Variants in NKAIN3 observed in about 807,000 individuals in gnomAD.
NKAIN3 encodes sodium/potassium transporting ATPase interacting 3.
In NKAIN3, 25 loss-of-function variants were observed where a neutral mutation model predicts 30.2. That is an observed-to-expected ratio of 0.83 (90% confidence interval 0.60 to 1.16). The LOEUF (loss-of-function observed/expected upper bound fraction) is 1.16. Ranked by LOEUF, NKAIN3 falls within the 50% of genes most tolerant of loss-of-function variation. The probability of loss-of-function intolerance (pLI) is 0.00; values close to 1 mark genes in which losing one functional copy is unlikely to be tolerated. For missense variants in NKAIN3, 225 were observed against 254.1 expected (o/e 0.89, Z 0.78); for synonymous variants, 91 against 89.6 (o/e 1.02, Z -0.09).
At chr8:62,549,270 CG>C (rs1222646556) in intron 1 of NKAIN3, among the ~76,000 whole-genome samples, 1 of 152,214 alleles carries the variant, frequency 6.6e-6, no homozygotes, top group African/African-American at 2.4e-5. Context: ...CCTTATTAAA[CG>C]AAGTATAGCA....
intron 3 of NKAIN3, among the ~76,000 whole-genome samples, chr8:62,727,644 G>C (rs1264556683): frequency 6.6e-6 from 1 of 152,234 alleles, no homozygotes; most frequent in South Asian, 2.1e-4. Context: ...AACAAAATGT[G>C]TATAAGATCT....
chr8:62,988,023 T>G (rs191701866), downstream of NKAIN3, among the ~76,000 whole-genome samples: 1 of 152,366 alleles, frequency 6.6e-6, no homozygotes, highest in Admixed American at 6.5e-5. Context: ...ATAGGCCCTA[T>G]GCAAGTCTGG....
intron 1 of NKAIN3, among the ~76,000 whole-genome samples, chr8:62,322,212 C>A (rs888364321): frequency 5.9e-5 from 9 of 152,162 alleles, no homozygotes; most frequent in South Asian, 4.1e-4. Context: ...CCCGATTTTG[C>A]AGGTGCCATC....
intron 4 of NKAIN3, among the ~76,000 whole-genome samples, chr8:62,849,104 G>A (rs1819781803): frequency 1.3e-5 from 2 of 151,994 alleles, no homozygotes; most frequent in African/African-American, 4.8e-5. Context: ...GTTCATCCAG[G>A]ATATGGCCTA....
At chr8:62,833,534 G>T (rs1373481583) in intron 4 of NKAIN3, among the ~76,000 whole-genome samples, 2 of 151,934 alleles carry the variant, frequency 1.3e-5, no homozygotes, top group Non-Finnish European at 2.9e-5. Context: ...GATCATCAAA[G>T]ACTATTATGA....
intron 1 of NKAIN3, among the ~76,000 whole-genome samples, chr8:62,297,748 T>G (rs1315186158): frequency 6.6e-6 from 1 of 152,138 alleles, no homozygotes; most frequent in African/African-American, 2.4e-5. Context: ...GTTCAACCAT[T>G]GTGGAAGTCA....
intron 3 of NKAIN3, among the ~76,000 whole-genome samples, chr8:62,646,114 C>T (rs1197680813): frequency 7.1e-6 from 1 of 140,476 alleles, no homozygotes. Context: ...GCCTAAAAAT[C>T]AAATGGCGTT....
At chr8:62,934,894 G>T (rs1744984869) in intron 5 of NKAIN3, among the ~76,000 whole-genome samples, 1 of 152,092 alleles carries the variant, frequency 6.6e-6, no homozygotes, top group Non-Finnish European at 1.5e-5. Context: ...AAGGTGAGCA[G>T]GATTGTCCTG....
chr8:62,496,840 G>A (rs1368342252), intron 1 of NKAIN3, among the ~76,000 whole-genome samples: 1 of 152,130 alleles, frequency 6.6e-6, no homozygotes, highest in African/African-American at 2.4e-5. Context: ...TATTGTTTGT[G>A]TGATTAGTTT....
chr8:62,432,530 G>T (rs1805042699), intron 1 of NKAIN3, among the ~76,000 whole-genome samples: 1 of 151,980 alleles, frequency 6.6e-6, no homozygotes, highest in South Asian at 2.1e-4. Context: ...GACAAAAACT[G>T]TACAATAGCA....
At chr8:62,577,855 G>A (rs852286) in intron 1 of NKAIN3, among the ~76,000 whole-genome samples, 114,668 of 151,730 alleles carry the variant, frequency 0.76, 43,601 homozygotes, top group Non-Finnish European at 0.8. Flanking sequence ...ATGAATGTGG[G>A]TCTGTTGTGG....
intron 4 of NKAIN3, among the ~76,000 whole-genome samples, chr8:62,801,143 C>A (rs959899607): frequency 6.6e-6 from 1 of 152,240 alleles, no homozygotes. Flanking sequence ...CCCACCACAG[C>A]TCAAGGAGGC....
intron 4 of NKAIN3, chr8:62,856,528 T>G (rs1820064246): frequency 1.3e-6 from 1 of 781,236 alleles, no homozygotes; most frequent in Admixed American, 1.7e-5. Context: ...ATCACCAGCT[T>G]TGGTCCTGGC....
At chr8:62,747,800 G>T (rs184416710) in intron 4 of NKAIN3, among the ~76,000 whole-genome samples, 1 of 152,068 alleles carries the variant, frequency 6.6e-6, no homozygotes, top group Non-Finnish European at 1.5e-5. Context: ...TTTCAGACCC[G>T]AAAAGGACTT....
chr8:62,957,922 T>A (rs1823467607), intron 6 of NKAIN3, among the ~76,000 whole-genome samples: 1 of 152,110 alleles, frequency 6.6e-6, no homozygotes, highest in Admixed American at 6.5e-5. Flanking sequence ...TGGTAGGGAA[T>A]GCTGATAATG....
At position 62,616,215 on chromosome 8, in the gene NKAIN3, A is replaced by G. The variant is rs59702576; in HGVS notation, c.273+26421A>G. Among the ~76,000 whole-genome samples, 424 of 152,102 alleles carry G rather than the reference A, an allele frequency of 2.8e-3. 3 individuals carry two copies. Among genetic ancestry groups the G allele is most frequent in the African/African-American group, 9.9e-3 (409 of 41,480 alleles). On this transcript the variant is annotated intron_variant, in intron 3 of 6. Transcript: ENST00000623646. The stretch of plus-strand genomic sequence containing the variant: ...TCCAACAACTCCCTTTAATTCTGAC[A>G]CTACCTAGAGCTAGCATAGACCCCA...
At chr8:62,954,901 A>C (rs926402138) in intron 6 of NKAIN3, among the ~76,000 whole-genome samples, 3 of 152,216 alleles carry the variant, frequency 2.0e-5, no homozygotes, top group African/African-American at 7.2e-5. Context: ...ACCATCACCC[A>C]ACCTGATATG....
intron 1 of NKAIN3, among the ~76,000 whole-genome samples, chr8:62,419,029 A>G (rs931678610): frequency 6.6e-6 from 1 of 152,162 alleles, no homozygotes; most frequent in African/African-American, 2.4e-5. Context: ...CAAGTGGGTC[A>G]TTGAGTGGTG....
chr8:62,362,967 A>G (rs1046758765), intron 1 of NKAIN3, among the ~76,000 whole-genome samples: 5 of 152,192 alleles, frequency 3.3e-5, no homozygotes, highest in Non-Finnish European at 7.3e-5. Context: ...CCCGAGATTA[A>G]GGTAATGTTA....
Sources: gnomAD v4.1 joint callset for allele counts (sites outside exome capture counted in the v4.1 genomes callset) on GRCh38, gnomAD v4.1.1 for gene constraint, MANE v1.5 for transcripts, NCBI Gene and HGNC (gene_info 2026-07-23, HGNC 2026-07-21) for gene names.